The following CCDC192 variants were observed in gnomAD, a reference collection of about 807,000 sequenced individuals.
CCDC192 encodes coiled-coil domain-containing protein 192.
At chr5:127,834,710 C>A (rs1251577823) in intron 5 of CCDC192, among the ~76,000 whole-genome samples, 2 of 152,198 alleles carry the variant, frequency 1.3e-5, no homozygotes, top group African/African-American at 2.4e-5. Context: ...CGCAGTCAAA[C>A]AATACCTTCC....
chr5:127,758,528 A>G, intron 3 of CCDC192, among the ~76,000 whole-genome samples: 1 of 152,256 alleles, frequency 6.6e-6, no homozygotes, highest in East Asian at 1.9e-4. Context: ...CAGCCAAAGT[A>G]GAGTGAGAAA....
chr5:127,713,250 T>C (rs1484461201), intron 2 of CCDC192, among the ~76,000 whole-genome samples: 1 of 148,900 alleles, frequency 6.7e-6, no homozygotes, highest in Non-Finnish European at 1.5e-5. Context: ...AAAAAAAAAT[T>C]TAGTCGTTCT....
intron 3 of CCDC192, among the ~76,000 whole-genome samples, chr5:127,775,057 C>G (rs1181857081): frequency 6.6e-6 from 1 of 152,082 alleles, no homozygotes; most frequent in Non-Finnish European, 1.5e-5. Context: ...TTGCTCATTT[C>G]TGGTTGTATA....
chr5:127,841,558 G>A (rs1750287252), intron 5 of CCDC192, among the ~76,000 whole-genome samples: 1 of 152,130 alleles, frequency 6.6e-6, no homozygotes, highest in Non-Finnish European at 1.5e-5. Flanking sequence ...TAGAATGAAA[G>A]AGGCTTCATC....
At chr5:127,737,832 G>C (rs908075440) in intron 2 of CCDC192, among the ~76,000 whole-genome samples, 2 of 152,042 alleles carry the variant, frequency 1.3e-5, no homozygotes, top group Non-Finnish European at 2.9e-5. Flanking sequence ...GACTCTGCAC[G>C]TGAGATGGGT....
rs1751848011 is a variant in CCDC192 at position 127,719,496 on chromosome 5, CACACACATACATATATATATATATATAT to C, written c.114+11766_114+11793del. ...ACATACATATATATATATATATATA[CACACACATACATATATATATATATATAT>C]ACACACATACATATATATATATATA... On this transcript the variant is annotated intron_variant, in intron 2 of 6. Transcript: ENST00000514853. Among the ~76,000 whole-genome samples, 8 of 76,728 alleles carry C rather than the reference CACACACATACATATATATATATATATAT, an allele frequency of 1.0e-4. 1 individual carries two copies. The highest frequency in any genetic ancestry group is 3.4e-4 in the Admixed American group (2 of 5,826). The allele number at this position is 76,728 out of a possible 152,430, so 50.3% of individuals were successfully genotyped here.
chr5:127,812,007 G>A (rs1310630143), intron 5 of CCDC192, among the ~76,000 whole-genome samples: 1 of 152,130 alleles, frequency 6.6e-6, no homozygotes, highest in African/African-American at 2.4e-5. Flanking sequence ...TTGGTTTAGA[G>A]CCCAGCTCTA....
chr5:127,709,245 G>GAGAA (rs1751182139), intron 2 of CCDC192, among the ~76,000 whole-genome samples: 1 of 125,670 alleles, frequency 8.0e-6, no homozygotes, highest in South Asian at 2.5e-4. Flanking sequence ...GAGAGAGAGA[G>GAGAA]AGAAATGCTA....
chr5:127,858,355 T>C (rs1364994362), intron 5 of CCDC192, among the ~76,000 whole-genome samples: 2 of 152,224 alleles, frequency 1.3e-5, no homozygotes, highest in African/African-American at 2.4e-5. Context: ...ACACAGTGTT[T>C]CCTCTGCCTT....
chr5:127,750,389 A>G (rs1754072759), intron 2 of CCDC192, among the ~76,000 whole-genome samples: 1 of 152,128 alleles, frequency 6.6e-6, no homozygotes, highest in South Asian at 2.1e-4. Flanking sequence ...GTCATTCAGG[A>G]GCAGGTTGTT....
intron 6 of CCDC192, among the ~76,000 whole-genome samples, chr5:127,930,970 G>A (rs1225815192): frequency 6.6e-6 from 1 of 152,262 alleles, no homozygotes; most frequent in Admixed American, 6.5e-5. Flanking sequence ...TGCTAGCAAA[G>A]ATGTGTATGC....
rs545902142 is a variant in CCDC192 at position 127,720,608 on chromosome 5, G to C, written c.114+12848G>C. Among the ~76,000 whole-genome samples, 4 of 152,318 alleles carry C rather than the reference G, an allele frequency of 2.6e-5. No individual in the cohort carries two copies. In the East Asian group the frequency reaches 7.7e-4, roughly 29 times the overall value. On this transcript the variant is annotated intron_variant, in intron 2 of 6. Transcript: ENST00000514853. ...GCCCCAGTGGGGACTCTGTATGTAG[G>C]CTCCAACCCTATATTTCTCCTCCAC... is the stretch of plus-strand genomic sequence containing the variant.
At chr5:127,790,658 C>A (rs555636504) in intron 3 of CCDC192, among the ~76,000 whole-genome samples, 1 of 152,308 alleles carries the variant, frequency 6.6e-6, no homozygotes, top group Admixed American at 6.5e-5. Flanking sequence ...CTCTCTACTT[C>A]CATAACATCC....
intron 6 of CCDC192, 26 bp from the exon 7 acceptor site, chr5:127,941,156 G>A (rs1209468134): frequency 5.0e-6 from 2 of 398,878 alleles, no homozygotes; most frequent in African/African-American, 4.1e-5. Context: ...AAACTGCTCA[G>A]ACTTTCCTTT....
chr5:127,886,471 T>C (rs138619202), intron 6 of CCDC192, among the ~76,000 whole-genome samples: 263 of 152,270 alleles, frequency 1.7e-3, no homozygotes, highest in Non-Finnish European at 2.3e-3. Context: ...ACCCCTGAGA[T>C]GACAAGACCA....
chr5:127,780,814 G>A (rs1040176490), intron 3 of CCDC192, among the ~76,000 whole-genome samples: 44 of 152,244 alleles, frequency 2.9e-4, no homozygotes, highest in African/African-American at 1.0e-3. Context: ...CCATGCAAAA[G>A]CTCTTTAGTT....
intron 6 of CCDC192, among the ~76,000 whole-genome samples, chr5:127,898,701 C>G (rs183487154): frequency 2.8e-4 from 42 of 152,154 alleles, no homozygotes; most frequent in Non-Finnish European, 3.1e-4. Flanking sequence ...CCAGGGAGCC[C>G]GTTCCCATCC....
At chr5:127,875,000 C>A (rs537092514) in intron 5 of CCDC192, among the ~76,000 whole-genome samples, 2 of 151,184 alleles carry the variant, frequency 1.3e-5, no homozygotes, top group African/African-American at 4.9e-5. Context: ...TTATGCTTGA[C>A]GCTTTCTTAC....
chr5:127,711,335 C>T (rs1265767863), intron 2 of CCDC192, among the ~76,000 whole-genome samples: 1 of 152,116 alleles, frequency 6.6e-6, no homozygotes, highest in African/African-American at 2.4e-5. Context: ...ATTAAAGAAT[C>T]ACTATTTTAA....
Sources: gnomAD v4.1 joint callset for allele counts (sites outside exome capture counted in the v4.1 genomes callset) on GRCh38, gnomAD v4.1.1 for gene constraint, MANE v1.5 for transcripts, NCBI Gene and HGNC (gene_info 2026-07-23, HGNC 2026-07-21) for gene names.